GALNTL6: variants seen among roughly 807,000 people sequenced by gnomAD.
GALNTL6 encodes the protein polypeptide N-acetylgalactosaminyltransferase like 6.
A neutral mutation model predicts 73.7 loss-of-function variants in GALNTL6; 46 were observed. That is an observed-to-expected ratio of 0.62 (90% CI 0.49 to 0.80). The LOEUF (loss-of-function observed/expected upper bound fraction) is 0.80, where lower values mean the gene tolerates loss of function less well. Among genes scored for constraint, GALNTL6 ranks in the 30% least tolerant of loss-of-function variants. The pLI is 0.00. For synonymous variants in GALNTL6, 259 were observed against 263.7 expected, an observed-to-expected ratio of 0.98 and a Z score of 0.17; for missense variants, 604 against 755.0, an observed-to-expected ratio of 0.80 and a Z score of 2.34.
chr4:172,091,638 T>C (rs751740037), intron 2 of GALNTL6, among the ~76,000 whole-genome samples: 3 of 152,230 alleles, frequency 2.0e-5, no homozygotes, highest in Non-Finnish European at 2.9e-5. Flanking sequence ...GTGTTTTCAA[T>C]TATGTCCTCT....
chr4:172,298,937 G>T (rs1167153737), intron 3 of GALNTL6, among the ~76,000 whole-genome samples: 1 of 152,182 alleles, frequency 6.6e-6, no homozygotes, highest in East Asian at 1.9e-4. Flanking sequence ...GTTTCAGAAG[G>T]AATGGTACCA....
intron 4 of GALNTL6, among the ~76,000 whole-genome samples, chr4:172,343,242 A>G (rs575505547): frequency 6.6e-6 from 1 of 152,346 alleles, no homozygotes; most frequent in East Asian, 1.9e-4. Context: ...CAAAAGCTGC[A>G]ATCCCAGAGT....
chr4:171,984,428 T>C (rs1463016798), intron 2 of GALNTL6, among the ~76,000 whole-genome samples: 1 of 152,094 alleles, frequency 6.6e-6, no homozygotes, highest in African/African-American at 2.4e-5. Flanking sequence ...CTCAGTGCCT[T>C]ATCTACCAGA....
intron 5 of GALNTL6, among the ~76,000 whole-genome samples, chr4:172,766,198 G>T (rs1213466066): frequency 6.6e-6 from 1 of 152,106 alleles, no homozygotes; most frequent in Non-Finnish European, 1.5e-5. Flanking sequence ...TTCAGCTTGA[G>T]TACATTCTTT....
intron 2 of GALNTL6, among the ~76,000 whole-genome samples, chr4:171,998,440 T>C (rs182436447): frequency 4.0e-4 from 61 of 152,220 alleles, no homozygotes; most frequent in Non-Finnish European, 6.9e-4. Flanking sequence ...ACTCCTCTTA[T>C]AAAAACACCT....
At chr4:171,982,447 G>T (rs111850556) in intron 2 of GALNTL6, among the ~76,000 whole-genome samples, 2 of 151,928 alleles carry the variant, frequency 1.3e-5, no homozygotes, top group South Asian at 2.1e-4. Flanking sequence ...ACAGGCGCCC[G>T]CCACCACGCC....
At chr4:172,411,875 C>T (rs1174703244) in intron 5 of GALNTL6, among the ~76,000 whole-genome samples, 1 of 151,884 alleles carries the variant, frequency 6.6e-6, no homozygotes, top group African/African-American at 2.4e-5. Context: ...AGACAAAAAT[C>T]CCTACTTTCA....
rs201689912 is a variant in GALNTL6 at position 172,389,016 on chromosome 4, TA to T, written c.553+40331del. On this transcript the variant is annotated intron_variant, in intron 5 of 12. Transcript: ENST00000506823. ...TTCTAATAGCTTAAAGTTAGTTTTT[TA>T]AAATCATCCTCCGAATTTAAAATTC... Among the ~76,000 whole-genome samples, 1,276 of 152,154 alleles carry T rather than the reference TA, an allele frequency of 8.4e-3. 8 individuals carry two copies. Among genetic ancestry groups the T allele is most frequent in the Middle Eastern group, 0.01 (3 of 290 alleles).
intron 2 of GALNTL6, among the ~76,000 whole-genome samples, chr4:172,090,721 G>A (rs1241950363): frequency 3.3e-5 from 5 of 152,016 alleles, no homozygotes; most frequent in Non-Finnish European, 7.4e-5. Context: ...TGTCAATTTT[G>A]GCTTTTGTTG....
At chr4:172,280,041 A>G (rs1738986927) in intron 3 of GALNTL6, among the ~76,000 whole-genome samples, 1 of 152,184 alleles carries the variant, frequency 6.6e-6, no homozygotes, top group Admixed American at 6.5e-5. Flanking sequence ...TAAATTCACA[A>G]AAACAGAAAG....
At chr4:172,733,224 T>C (rs1736256001) in intron 5 of GALNTL6, among the ~76,000 whole-genome samples, 1 of 152,354 alleles carries the variant, frequency 6.6e-6, no homozygotes, top group Non-Finnish European at 1.5e-5. Flanking sequence ...AGTTTTTTCT[T>C]TGAACACTTT....
In GALNTL6 at chr4:172,523,612, G is replaced by A. The variant is rs192836932; in HGVS notation, c.553+174923G>A. Among the ~76,000 whole-genome samples the A allele has an allele frequency of 8.7e-4, 132 of 152,098 alleles. 3 individuals are homozygous for A. In the South Asian group the frequency reaches 0.017, roughly 20 times the overall value. On this transcript the variant is annotated intron_variant, in intron 5 of 12. Coordinates refer to ENST00000506823, the MANE Select transcript of GALNTL6 (RefSeq NM_001034845.3). ...ACTCCTGGACTCAAGTGATCTGCCC[G>A]CCTCAGCCTCCCAAAATGCTGGGAT...
rs17058476 is a variant in GALNTL6 at position 172,437,730 on chromosome 4, C to T, written c.553+89041C>T. ...AATAGCATGTAATAATCCAGGAAGTCACACAGACCCTTATCTAAATTTATC... is the reference window on the plus strand; with the variant it reads ...AATAGCATGTAATAATCCAGGAAGTTACACAGACCCTTATCTAAATTTATC... On this transcript the variant is annotated intron_variant, in intron 5 of 12. Coordinates refer to ENST00000506823, the MANE Select transcript of GALNTL6 (RefSeq NM_001034845.3). 8.5e-3 allele frequency among the ~76,000 whole-genome samples: 1,288 copies of T among 152,178 alleles called. 12 individuals carry two copies. Among genetic ancestry groups the T allele is most frequent in the African/African-American group, 0.029 (1,218 of 41,548 alleles).
intron 3 of GALNTL6, among the ~76,000 whole-genome samples, chr4:172,271,091 C>A (rs1054972220): frequency 4.6e-5 from 7 of 152,056 alleles, no homozygotes; most frequent in Admixed American, 6.6e-5. Context: ...AAATGAAGTG[C>A]TTTTCAATTC....
intron 8 of GALNTL6, among the ~76,000 whole-genome samples, chr4:172,890,952 G>T (rs1745996903): frequency 6.6e-6 from 1 of 151,992 alleles, no homozygotes; most frequent in South Asian, 2.1e-4. Flanking sequence ...GACCTTCTTT[G>T]CCTGTTTTTA....
chr4:172,079,295 A>G (rs1225833879), intron 2 of GALNTL6, among the ~76,000 whole-genome samples: 1 of 152,064 alleles, frequency 6.6e-6, no homozygotes, highest in Non-Finnish European at 1.5e-5. Context: ...GTAGATTTGG[A>G]TAATCATTTT....
intron 11 of GALNTL6, among the ~76,000 whole-genome samples, chr4:173,020,943 T>G (rs1190780581): frequency 6.6e-6 from 1 of 151,950 alleles, no homozygotes; most frequent in Non-Finnish European, 1.5e-5. Flanking sequence ...CGTGGTGGCG[T>G]GCGCCTGTAA....
intron 2 of GALNTL6, among the ~76,000 whole-genome samples, chr4:172,125,965 T>TA (rs1323419598): frequency 6.6e-6 from 1 of 152,094 alleles, no homozygotes; most frequent in Non-Finnish European, 1.5e-5. Flanking sequence ...TACTTTCTCT[T>TA]ATCAAAAACA....
chr4:172,677,057 T>C (rs2111221050), intron 5 of GALNTL6, among the ~76,000 whole-genome samples: 1 of 152,314 alleles, frequency 6.6e-6, no homozygotes, highest in East Asian at 1.9e-4. Context: ...CTACTGTCCT[T>C]GTGTTAAACA....
Sources: allele counts gnomAD v4.1 joint callset (sites outside exome capture counted in the v4.1 genomes callset), GRCh38; gene constraint gnomAD v4.1.1; transcripts MANE v1.5; gene names NCBI Gene and HGNC (gene_info 2026-07-23, HGNC 2026-07-21).